The following MVB12B variants were observed in gnomAD, a reference collection of about 807,000 sequenced individuals.
The protein encoded by MVB12B is ESCRT-I complex subunit MVB12B.
Under a neutral mutation model 41.6 loss-of-function variants are expected in MVB12B, and 16 were observed. That is an observed-to-expected ratio of 0.38 (90% confidence interval 0.26 to 0.58). The LOEUF (loss-of-function observed/expected upper bound fraction) is 0.58, where lower values mean the gene tolerates loss of function less well. MVB12B is among the 20% of genes least tolerant of loss of function. The pLI, the probability that MVB12B is intolerant of heterozygous loss-of-function variation, is 0.62. For synonymous variants in MVB12B, 133 were observed against 139.7 expected, an observed-to-expected ratio of 0.95 and a Z score of 0.34; for missense variants, 274 against 380.2, an observed-to-expected ratio of 0.72 and a Z score of 2.32.
At chr9:126,488,029 G>A (rs1000505772) in intron 9 of MVB12B, among the ~76,000 whole-genome samples, 3 of 152,176 alleles carry the variant, frequency 2.0e-5, no homozygotes, top group African/African-American at 4.8e-5. Flanking sequence ...GGCTCCTTCC[G>A]CAGCCGTGGC....
chr9:126,464,200 G>A (rs1833147820), intron 7 of MVB12B, among the ~76,000 whole-genome samples: 1 of 152,170 alleles, frequency 6.6e-6, no homozygotes, highest in South Asian at 2.1e-4. Flanking sequence ...CATCCACTAT[G>A]ATGGGTGGTA....
chr9:126,336,779 C>CACACA (rs1389617845), intron 1 of MVB12B, among the ~76,000 whole-genome samples: 1 of 151,918 alleles, frequency 6.6e-6, no homozygotes, highest in Admixed American at 6.5e-5. Context: ...CACACACACA[C>CACACA]ACTACTATCC....
intron 7 of MVB12B, among the ~76,000 whole-genome samples, chr9:126,443,034 C>T (rs1832679100): frequency 6.6e-6 from 1 of 152,144 alleles, no homozygotes; most frequent in Admixed American, 6.5e-5. Context: ...GTCTAGAAAA[C>T]ACTGGTGGCC....
chr9:126,479,433 G>C (rs1396228133), intron 7 of MVB12B, among the ~76,000 whole-genome samples: 1 of 152,114 alleles, frequency 6.6e-6, no homozygotes, highest in South Asian at 2.1e-4. Context: ...ATTCATTGCT[G>C]AACTTTTTCA....
At chr9:126,358,035 A>G (rs540750697) in intron 2 of MVB12B, among the ~76,000 whole-genome samples, 7 of 152,252 alleles carry the variant, frequency 4.6e-5, no homozygotes, top group African/African-American at 1.7e-4. Context: ...TTTTTTATAT[A>G]TAGCTGTCCA....
At chr9:126,345,297 T>C (rs1277055151) in intron 2 of MVB12B, among the ~76,000 whole-genome samples, 3 of 152,204 alleles carry the variant, frequency 2.0e-5, no homozygotes, top group African/African-American at 4.8e-5. Context: ...AGGAGATATT[T>C]TATTCTTTTT....
At chr9:126,497,748 G>T (rs76741575) in intron 9 of MVB12B, among the ~76,000 whole-genome samples, 1 of 152,180 alleles carries the variant, frequency 6.6e-6, no homozygotes, top group Non-Finnish European at 1.5e-5. Flanking sequence ...GGGGCTTCCC[G>T]CTGGGTATGC....
chr9:126,409,545 T>A (rs1831562347), intron 6 of MVB12B, among the ~76,000 whole-genome samples: 1 of 152,206 alleles, frequency 6.6e-6, no homozygotes, highest in Admixed American at 6.5e-5. Flanking sequence ...TGGCTTTCTG[T>A]CTGTGTCCAG....
chr9:126,412,583 C>T (rs1370657864), intron 6 of MVB12B, among the ~76,000 whole-genome samples: 2 of 152,116 alleles, frequency 1.3e-5, no homozygotes, highest in African/African-American at 4.8e-5. Flanking sequence ...TAGTTTTTGC[C>T]ATCTTTTTTT....
rs1831085012 is a variant in MVB12B, at chr9:126,395,493, T to C, written c.540-82T>C. 3 of 1,536,344 alleles carry C rather than the reference T, an allele frequency of 2.0e-6. No homozygotes were observed. The highest frequency in any genetic ancestry group is 1.4e-5 in the African/African-American group (1 of 72,954). On this transcript the variant is annotated intron_variant, in intron 5 of 9. Transcript: ENST00000361171. This position sits in a 1 kb window ranked among gnomAD's most constrained non-coding sequence, Gnocchi z 4.9. Reference sequence around the variant, plus strand: ...CCTGGTGTTTGAGGCCATGACTCTTTTAAATGAATTGGTTTGCTTTGTCAC... The same window carrying C: ...CCTGGTGTTTGAGGCCATGACTCTTCTAAATGAATTGGTTTGCTTTGTCAC...
At chr9:126,356,944 T>C (rs571315107) in intron 2 of MVB12B, among the ~76,000 whole-genome samples, 143 of 152,088 alleles carry the variant, frequency 9.4e-4, no homozygotes, top group Non-Finnish European at 1.8e-3. Flanking sequence ...TGTAGAACCA[T>C]GAGCCAATTA....
At chr9:126,458,340 G>T (rs577979129) in intron 7 of MVB12B, among the ~76,000 whole-genome samples, 8 of 152,194 alleles carry the variant, frequency 5.3e-5, no homozygotes, top group Non-Finnish European at 7.3e-5. Context: ...CACACCACAC[G>T]TTTGTGTGTG....
intron 2 of MVB12B, among the ~76,000 whole-genome samples, chr9:126,356,469 G>C (rs1829883375): frequency 6.6e-6 from 1 of 152,072 alleles, no homozygotes; most frequent in Non-Finnish European, 1.5e-5. Flanking sequence ...ACATACAATA[G>C]ACTGCATATA....
At chr9:126,350,726 C>T (rs538060467) in intron 2 of MVB12B, among the ~76,000 whole-genome samples, 14 of 152,328 alleles carry the variant, frequency 9.2e-5, no homozygotes, top group African/African-American at 3.1e-4. Flanking sequence ...CCTCATGATC[C>T]AATCACCTCT....
intron 1 of MVB12B, among the ~76,000 whole-genome samples, chr9:126,330,264 C>G (rs1183644300): frequency 6.6e-6 from 1 of 151,430 alleles, no homozygotes; most frequent in Non-Finnish European, 1.5e-5. Context: ...TCTTGTTGGA[C>G]CTGTGGCAGG....
rs1829231966 is a variant in MVB12B at position 126,334,878 on chromosome 9, A to AT, written c.82-5625dup. On this transcript the variant is annotated intron_variant, in intron 1 of 9. Coordinates refer to ENST00000361171, the MANE Select transcript of MVB12B (RefSeq NM_033446.3). ...TGCTGTAGAACTTGATCCTGAATTT[A>AT]TTTTTGGAAAGTGAATCCTGGAACC... Among the ~76,000 whole-genome samples the AT allele has an allele frequency of 2.0e-5, 3 of 152,144 alleles. No individual in the cohort carries two copies. In the South Asian group the frequency reaches 6.2e-4, roughly 32 times the overall value.
intron 1 of MVB12B, among the ~76,000 whole-genome samples, chr9:126,337,114 T>C (rs1829306565): frequency 6.6e-6 from 1 of 152,206 alleles, no homozygotes; most frequent in South Asian, 2.1e-4. Context: ...GGGTTCCCTA[T>C]AGAGAACTTC....
At position 126,362,750 on chromosome 9, in the gene MVB12B, C is replaced by T. The variant is rs185204102; in HGVS notation, c.205-18314C>T. On this transcript the variant is annotated intron_variant, in intron 2 of 9. Transcript: ENST00000361171. ...CCTAAAGCTTTGAAAAAAGATTGGA[C>T]GCTTCTTCATTTGTTTTACAGAGCT... is the stretch of plus-strand genomic sequence containing the variant. 2.6e-4 allele frequency among the ~76,000 whole-genome samples: 39 copies of T among 152,278 alleles called. No homozygotes were observed. The South Asian group carries it at 5.8e-3, about 23-fold the overall frequency.
At chr9:126,401,404 C>T (rs1293272728) in intron 6 of MVB12B, among the ~76,000 whole-genome samples, 2 of 152,216 alleles carry the variant, frequency 1.3e-5, no homozygotes, top group African/African-American at 4.8e-5. Flanking sequence ...CATAATTGTA[C>T]TTAACTTTTT....
Sources: gnomAD v4.1 joint callset for allele counts (sites outside exome capture counted in the v4.1 genomes callset) on GRCh38, gnomAD v4.1.1 for gene constraint, Gnocchi (gnomAD v3.1) non-coding constraint, MANE v1.5 for transcripts, NCBI Gene and HGNC (gene_info 2026-07-23, HGNC 2026-07-21) for gene names.